Variants in SCRN3 observed in about 807,000 individuals in gnomAD.
SCRN3 encodes secernin 3.
Under a neutral mutation model 43.1 loss-of-function variants are expected in SCRN3, and 39 were observed. The observed-to-expected ratio is 0.91, with a 90% confidence interval of 0.70 to 1.18. SCRN3 has a LOEUF of 1.18. Ranked by LOEUF, SCRN3 falls within the 50% of genes most tolerant of loss-of-function variation. The pLI, the probability that SCRN3 is intolerant of heterozygous loss-of-function variation, is 0.00. For missense variants in SCRN3, 484 were observed against 498.0 expected (o/e 0.97, Z 0.27); for synonymous variants, 147 against 163.1 (o/e 0.90, Z 0.75).
chr2:174,404,080 C>G (rs774349842), intron 4 of SCRN3, 23 bp from the exon 5 acceptor site: 2 of 1,568,830 alleles, frequency 1.3e-6, no homozygotes, highest in Non-Finnish European at 8.8e-7. Flanking sequence ...CTTCTCCTTT[C>G]TCCTCTTCTT....
At chr2:174,399,883 G>A in intron 2 of SCRN3, 39 bp from the exon 3 acceptor site, 1 of 1,306,372 alleles carries the variant, frequency 7.7e-7, no homozygotes, top group Non-Finnish European at 9.9e-7. Context: ...TTCTGGTTTT[G>A]TGGTTCTTGC....
rs1396617983 is a variant in SCRN3 at position 174,398,339 on chromosome 2, A to G, written c.56A>G (p.Asn19Ser). 1 of 1,606,480 alleles carries G rather than the reference A, an allele frequency of 6.2e-7. No homozygotes were observed. The highest frequency in any genetic ancestry group is 8.5e-7 in the Non-Finnish European group (1 of 1,177,492). The change falls in exon 2 of 8, where the codon AAC (asparagine) becomes AGC (serine). Residue 19 changes from asparagine (N) to serine (S), a missense_variant. Physicochemically the swap from Asn to Ser is conservative, Grantham distance 46 (BLOSUM62 1). Coordinates refer to ENST00000272732, the MANE Select transcript of SCRN3 (RefSeq NM_024583.5). The stretch of plus-strand genomic sequence containing the variant: ...GCATTACCTCCAGCAACAGTCGATA[A>G]CAGGATTATTTTTGGAAAAAATTCA... The part of the protein sequence containing the change: ...FVALPPATVD[N>S]RIIFGKNSDR...
chr2:174,429,161 T>C lies in SCRN3; in HGVS notation c.*1266T>C, dbSNP rs1686581523. On this transcript the variant is annotated 3_prime_UTR_variant, in exon 8 of 8. Transcript: ENST00000272732. ...GTTTGCCTTAAGTTTGGTTCAGTGATAGGCTGTCTTCTAACCCCTATACTC... is the reference window on the plus strand; with the variant it reads ...GTTTGCCTTAAGTTTGGTTCAGTGACAGGCTGTCTTCTAACCCCTATACTC... The C allele has an allele frequency of 1.3e-5, 2 of 152,204 alleles. No individual in the cohort carries two copies. The highest frequency in any genetic ancestry group is 2.9e-5 in the Non-Finnish European group (2 of 68,020). The allele number at this position is 152,204 out of a possible 1,614,324, so 9.4% of individuals were successfully genotyped here.
At chr2:174,425,019 A>G (rs1345755985) in intron 7 of SCRN3, among the ~76,000 whole-genome samples, 1 of 152,168 alleles carries the variant, frequency 6.6e-6, no homozygotes, top group Admixed American at 6.5e-5. Flanking sequence ...TAACTTGCTT[A>G]GTATATATCC....
In SCRN3 at chr2:174,412,609, T is replaced by C. The variant is rs191708455; in HGVS notation, c.754+8294T>C. On this transcript the variant is annotated intron_variant, in intron 5 of 7. Coordinates refer to ENST00000272732, the MANE Select transcript of SCRN3 (RefSeq NM_024583.5). Reference sequence around the variant, plus strand: ...AGGCAGACCCAGATGTGGGAAGCAGTTGGGCAAAGAAGGGAGACCACCAAG... The same window carrying C: ...AGGCAGACCCAGATGTGGGAAGCAGCTGGGCAAAGAAGGGAGACCACCAAG... Among the ~76,000 whole-genome samples, 209 of 152,188 alleles carry C rather than the reference T, an allele frequency of 1.4e-3. 1 individual carries two copies. Among genetic ancestry groups the C allele is most frequent in the African/African-American group, 4.8e-3 (199 of 41,532 alleles).
intron 1 of SCRN3, 97 bp downstream of exon 1, chr2:174,395,914 G>A: frequency 7.0e-7 from 1 of 1,423,378 alleles, no homozygotes; most frequent in Non-Finnish European, 9.2e-7. Context: ...GGGCTCCGGA[G>A]CCCAGCTGCA....
intron 5 of SCRN3, among the ~76,000 whole-genome samples, chr2:174,406,052 A>T (rs1478458404): frequency 1.4e-5 from 2 of 138,528 alleles, no homozygotes; most frequent in East Asian, 4.2e-4. Context: ...CTTGGGCAGT[A>T]TGGCCATTTT....
In SCRN3 at chr2:174,401,129, A is replaced by G; in HGVS notation, c.481A>G (p.Arg161Gly). Residue 161 changes from arginine (R) to glycine (G), a missense_variant, in exon 4 of 8, where the codon AGG (arginine) becomes GGG (glycine). Transcript: ENST00000272732. Reference protein sequence around the residue: ...SYHNSFLIADRNEAWILETAG... With the variant: ...SYHNSFLIADGNEAWILETAG... ...TCACAACAGTTTCCTGATAGCTGAT[A>G]GGAATGAAGCCTGGATTCTGGAGAC... is the stretch of plus-strand genomic sequence containing the variant. 3 of 1,614,010 alleles carry G rather than the reference A, an allele frequency of 1.9e-6. No individual in the cohort carries two copies. Among genetic ancestry groups the G allele is most frequent in the Non-Finnish European group, 8.5e-7 (1 of 1,179,894 alleles).
intron 6 of SCRN3, among the ~76,000 whole-genome samples, 166 bp downstream of exon 6, chr2:174,423,213 C>T (rs1378203828): frequency 1.3e-5 from 2 of 152,134 alleles, no homozygotes; most frequent in Non-Finnish European, 2.9e-5. Context: ...AAATGTGTAA[C>T]TGTTCTCTTT....
At position 174,409,886 on chromosome 2, in the gene SCRN3, T is replaced by C. The variant is rs1037712158; in HGVS notation, c.754+5571T>C. The stretch of plus-strand genomic sequence containing the variant: ...AAGCTGTCAGACAGGGACATTTAAG[T>C]CTGTAGAGGTTACTGCTGTCTTTTT... On this transcript the variant is annotated intron_variant, in intron 5 of 7. Coordinates refer to ENST00000272732, the MANE Select transcript of SCRN3 (RefSeq NM_024583.5). Among the ~76,000 whole-genome samples, 2 of 138,808 alleles carry C rather than the reference T, an allele frequency of 1.4e-5. 1 individual carries two copies. The highest frequency in any genetic ancestry group is 3.2e-5 in the Non-Finnish European group (2 of 61,866). The allele number at this position is 138,808 out of a possible 152,430, so 91.1% of individuals were successfully genotyped here. A position where few individuals can be genotyped will look rare whatever the true frequency, so the allele number is the denominator to read the frequency against.
At chr2:174,425,613 T>C (rs1161110319) in intron 7 of SCRN3, among the ~76,000 whole-genome samples, 1 of 152,182 alleles carries the variant, frequency 6.6e-6, no homozygotes. Flanking sequence ...ATTTCACTTA[T>C]GCTCAAAGCA....
chr2:174,421,750 A>G (rs991892873), intron 5 of SCRN3, among the ~76,000 whole-genome samples: 1 of 152,168 alleles, frequency 6.6e-6, no homozygotes, highest in East Asian at 1.9e-4. Flanking sequence ...TTTCTCCTAA[A>G]ATATTTGATC....
chr2:174,398,307 T>G lies in SCRN3; in HGVS notation c.24T>G (p.Thr8=), dbSNP rs146379103. ...AAATGGAACCTTTTTCCTGTGACAC[T>G]TTCGTGGCATTACCTCCAGCAACAG... The part of the protein sequence containing the change: MEPFSCD[T]FVALPPATVD... The change falls in exon 2 of 8, where the codon ACT becomes ACG. Residue 8 remains threonine (T), a synonymous_variant. Transcript: ENST00000272732. The G allele has an allele frequency of 4.9e-4, 770 of 1,581,446 alleles. No homozygotes were observed. Among genetic ancestry groups the G allele is most frequent in the Non-Finnish European group, 6.3e-4 (736 of 1,169,836 alleles).
chr2:174,401,152 G>GA lies in SCRN3; in HGVS notation c.505dup (p.Thr169AsnfsTer17). The GA allele has an allele frequency of 3.1e-6, 5 of 1,613,936 alleles. No individual in the cohort carries two copies. Among genetic ancestry groups the GA allele is most frequent in the Non-Finnish European group, 4.2e-6 (5 of 1,179,900 alleles). Reference sequence around the variant, plus strand: ...ATAGGAATGAAGCCTGGATTCTGGAGACTGCAGGGAAGTACTGGGCAGCAG... The same window carrying GA: ...ATAGGAATGAAGCCTGGATTCTGGAGAACTGCAGGGAAGTACTGGGCAGCAG... On this transcript the variant is annotated frameshift_variant, in exon 4 of 8. Coordinates refer to ENST00000272732, the MANE Select transcript of SCRN3 (RefSeq NM_024583.5). LOFTEE classifies it high-confidence loss of function.
At chr2:174,402,717 G>A (rs542850065) in intron 4 of SCRN3, among the ~76,000 whole-genome samples, 25 of 152,020 alleles carry the variant, frequency 1.6e-4, no homozygotes, top group African/African-American at 6.0e-4. Context: ...AGGAGAAGGG[G>A]AAAGAAAGAA....
chr2:174,404,400 GAATTAT>G, intron 5 of SCRN3, 85 bp downstream of exon 5: 1 of 836,242 alleles, frequency 1.2e-6, no homozygotes, highest in Non-Finnish European at 1.8e-6. Context: ...CTGTTTTGGG[GAATTAT>G]AATTAGTAAA....
chr2:174,418,561 T>C (rs1686192815), intron 5 of SCRN3, among the ~76,000 whole-genome samples: 1 of 152,254 alleles, frequency 6.6e-6, no homozygotes. Flanking sequence ...TGCTAGTGGA[T>C]TACTTATGGC....
intron 6 of SCRN3, among the ~76,000 whole-genome samples, chr2:174,423,748 C>T (rs1193063978): frequency 2.8e-5 from 4 of 145,022 alleles, no homozygotes; most frequent in Non-Finnish European, 6.0e-5. Context: ...GGATTACAGG[C>T]GTGAGCCACC....
At chr2:174,421,368 G>A (rs1292417960) in intron 5 of SCRN3, among the ~76,000 whole-genome samples, 1 of 152,142 alleles carries the variant, frequency 6.6e-6, no homozygotes, top group Non-Finnish European at 1.5e-5. Context: ...AAATACATAG[G>A]TAAAACTAGA....
Sources: gnomAD v4.1 joint callset for allele counts (sites outside exome capture counted in the v4.1 genomes callset) on GRCh38, gnomAD v4.1.1 for gene constraint, MANE v1.5 for transcripts, NCBI Gene and HGNC (gene_info 2026-07-23, HGNC 2026-07-21) for gene names.